Variants in A2ML1 observed in about 807,000 individuals in gnomAD.
A2ML1 encodes alpha-2-macroglobulin-like protein 1.
A2ML1 carries 161 observed loss-of-function variants against 181.9 expected under a neutral mutation model. The observed-to-expected ratio is 0.89, with a 90% CI of 0.78 to 1.01. The LOEUF is 1.01. Among genes scored for constraint, A2ML1 ranks in the 50% least tolerant of loss-of-function variants. The pLI, the probability that A2ML1 is intolerant of heterozygous loss-of-function variation, is 0.00. For missense variants in A2ML1, 1,670 were observed against 1,768.1 expected, an observed-to-expected ratio of 0.94 and a Z score of 1.00; for synonymous variants, 663 against 666.8, an observed-to-expected ratio of 0.99 and a Z score of 0.09.
intron 33 of A2ML1, 50 bp downstream of exon 33, chr12:8,869,253 A>G: frequency 1.9e-6 from 3 of 1,575,052 alleles, no homozygotes; most frequent in Non-Finnish European, 2.6e-6. Context: ...ACGGATCTTC[A>G]TGACTTCCCT....
chr12:8,846,286 T>C (rs1943683616), intron 14 of A2ML1, 64 bp downstream of exon 14: 1 of 1,589,414 alleles, frequency 6.3e-7, no homozygotes, highest in Admixed American at 1.7e-5. Flanking sequence ...TTGTGTGTGC[T>C]GCGGTTGGAA....
Position 8,857,577 on chromosome 12 carries a change from T to C in A2ML1, c.3096T>C (p.Asn1032=), listed in dbSNP as rs760050266. 34 of 1,610,648 alleles carry C rather than the reference T, an allele frequency of 2.1e-5. No homozygotes were observed. In the Admixed American group the frequency reaches 4.4e-4, roughly 21 times the overall value. Residue 1032 remains asparagine (N), a synonymous_variant, in exon 25 of 36, where the codon AAT becomes AAC. Coordinates refer to ENST00000299698, the MANE Select transcript of A2ML1 (RefSeq NM_144670.6). ...GTGCCTTTGGGGAGCGAGATGGAAA[T>C]GGAAACACATGGTAATATCACCCAA... ...SYSAFGERDG[N]GNTWLTAFVT...
chr12:8,881,703 G>T (rs1034435166), downstream of A2ML1, among the ~76,000 whole-genome samples: 3 of 152,146 alleles, frequency 2.0e-5, no homozygotes, highest in African/African-American at 7.2e-5. Context: ...AAAATAGTGT[G>T]TTCAGTTTAC....
downstream of A2ML1, among the ~76,000 whole-genome samples, chr12:8,879,590 T>C (rs1944850426): frequency 6.6e-6 from 1 of 152,098 alleles, no homozygotes; most frequent in South Asian, 2.1e-4. Flanking sequence ...TACCAGAGCA[T>C]CCCCTCTTTT....
At chr12:8,879,491 CAA>C (rs1044526308), downstream of A2ML1, among the ~76,000 whole-genome samples, 1 of 141,018 alleles carries the variant, frequency 7.1e-6, no homozygotes, top group Non-Finnish European at 1.6e-5. Context: ...ACTTGGTGTC[CAA>C]AAAAAAAAAG....
chr12:8,880,986 G>A (rs749349670), downstream of A2ML1, among the ~76,000 whole-genome samples: 36 of 152,280 alleles, frequency 2.4e-4, no homozygotes, highest in Admixed American at 3.3e-4. Flanking sequence ...AAAACAACAC[G>A]ATGGGTAAAT....
intron 25 of A2ML1, 117 bp downstream of exon 25, chr12:8,857,705 C>A (rs1240045268): frequency 1.3e-5 from 16 of 1,211,820 alleles, no homozygotes; most frequent in Non-Finnish European, 1.9e-5. Context: ...CAGTCTTCTA[C>A]CTCTTTAATA....
chr12:8,863,681 C>A, intron 28 of A2ML1, 113 bp from the exon 29 acceptor site: 1 of 1,029,576 alleles, frequency 9.7e-7, no homozygotes, highest in Non-Finnish European at 1.4e-6. Flanking sequence ...TTTTTCTACT[C>A]TGTTTAATTC....
intron 7 of A2ML1, among the ~76,000 whole-genome samples, chr12:8,836,703 C>G (rs182807139): frequency 4.6e-5 from 7 of 151,962 alleles, no homozygotes; most frequent in Non-Finnish European, 8.8e-5. Context: ...AGGCTGGTCT[C>G]GGACTCCTGA....
At chr12:8,872,405 G>A (rs761837714) in intron 33 of A2ML1, among the ~76,000 whole-genome samples, 1 of 152,000 alleles carries the variant, frequency 6.6e-6, no homozygotes, top group South Asian at 2.1e-4. Flanking sequence ...TTAAAACTGA[G>A]ACAATCTTAA....
At chr12:8,856,678 G>A (rs979095584) in intron 23 of A2ML1, among the ~76,000 whole-genome samples, 11 of 152,132 alleles carry the variant, frequency 7.2e-5, no homozygotes, top group African/African-American at 1.2e-4. Flanking sequence ...TCAGTGACAT[G>A]TCTTCTTAAA....
At chr12:8,832,001 C>G (rs759574563) in intron 4 of A2ML1, among the ~76,000 whole-genome samples, 1 of 152,158 alleles carries the variant, frequency 6.6e-6, no homozygotes, top group Non-Finnish European at 1.5e-5. Context: ...CCGCCCGCCT[C>G]GGCCTCCCAA....
At position 8,837,891 on chromosome 12, in the gene A2ML1, GAA is replaced by G. The variant is rs151300022; in HGVS notation, c.855+342_855+343del. ...CAACACTCAGTCCCCCTCCCCCACC[GAA>G]AAAAAAAAAAAAAAAAGAACGTATC... On this transcript the variant is annotated intron_variant, in intron 8 of 35. Transcript: ENST00000299698. 0.77 allele frequency among the ~76,000 whole-genome samples: 79,142 copies of G among 103,442 alleles called. 28,917 individuals are homozygous for G. Among genetic ancestry groups the G allele is most frequent in the East Asian group, 0.94 (3,545 of 3,758 alleles). 67.9% of individuals were successfully genotyped at this position (103,442 alleles called of 152,430 possible).
At position 8,854,848 on chromosome 12, in the gene A2ML1, C is replaced by A. The variant is rs1289558357; in HGVS notation, c.2764+17C>A. 6.2e-7 allele frequency: 1 copy of A among 1,612,862 alleles called. No individual in the cohort carries two copies. The highest frequency in any genetic ancestry group is 8.5e-7 in the Non-Finnish European group (1 of 1,179,632). ...GCCCAAAAGGTGGGTGGACTCAGAG[C>A]AGGATTGGTGGTGAGAATTCCCTTA... On this transcript the variant is annotated intron_variant, in intron 22 of 35. Transcript: ENST00000299698.
chr12:8,861,146 G>C lies in A2ML1; in HGVS notation c.3351G>C (p.Val1117=), dbSNP rs1344505632. Residue 1117 remains valine, a synonymous_variant, in exon 28 of 36, where the codon GTG becomes GTC. Coordinates refer to ENST00000299698, the MANE Select transcript of A2ML1 (RefSeq NM_144670.6). ...EMGKDVDDPM[V]SQGLRCLKNS... ...TCTTCACTTTTTAGGACCCAATGGT[G>C]AGTCAGGGTCTACGGTGTCTCAAGA... 1.9e-6 allele frequency: 3 copies of C among 1,614,028 alleles called. No individual in the cohort carries two copies. The highest frequency in any genetic ancestry group is 2.7e-5 in the African/African-American group (2 of 74,886).
At chr12:8,874,118 C>T (rs1045114278) in intron 33 of A2ML1, among the ~76,000 whole-genome samples, 1 of 152,040 alleles carries the variant, frequency 6.6e-6, no homozygotes, top group Non-Finnish European at 1.5e-5. Flanking sequence ...CAGGTTCAAG[C>T]GATTCTTCTG....
chr12:8,835,490 G>A lies in A2ML1; in HGVS notation c.484-17G>A. ...AGCAAACGGGCAGGCACATCATGCA[G>A]TTTCTCTATTGGACAGGATCCAAAT... On this transcript the variant is annotated splice_polypyrimidine_tract_variant and intron_variant, in intron 5 of 35. Coordinates refer to ENST00000299698, the MANE Select transcript of A2ML1 (RefSeq NM_144670.6). 1.9e-6 allele frequency: 3 copies of A among 1,613,352 alleles called. No homozygotes were observed. The highest frequency in any genetic ancestry group is 2.5e-6 in the Non-Finnish European group (3 of 1,179,452).
At chr12:8,846,018 T>G in intron 13 of A2ML1, 59 bp from the exon 14 acceptor site, 1 of 1,600,010 alleles carries the variant, frequency 6.2e-7, no homozygotes. Context: ...TATGGTTAGA[T>G]GCCGTTGGCA....
rs757019803 is a variant in A2ML1, at chr12:8,862,635, T to G, written c.3503-1159T>G. On this transcript the variant is annotated intron_variant, in intron 28 of 35. Coordinates refer to ENST00000299698, the MANE Select transcript of A2ML1 (RefSeq NM_144670.6). Reference sequence around the variant, plus strand: ...GGCAGAAGTGCAGTCTCAGCCTTCATTTATATGAGCGTCATGGCTGAGCTG... The same window carrying G: ...GGCAGAAGTGCAGTCTCAGCCTTCAGTTATATGAGCGTCATGGCTGAGCTG... Among the ~76,000 whole-genome samples, 26 of 152,320 alleles carry G rather than the reference T, an allele frequency of 1.7e-4. No individual in the cohort carries two copies. The South Asian group carries it at 5.0e-3, about 29-fold the overall frequency.
Sources: gnomAD v4.1 joint callset for allele counts (sites outside exome capture counted in the v4.1 genomes callset) on GRCh38, gnomAD v4.1.1 for gene constraint, MANE v1.5 for transcripts, NCBI Gene and HGNC (gene_info 2026-07-23, HGNC 2026-07-21) for gene names.